The following ME1 variants were observed in gnomAD, a reference collection of about 807,000 sequenced individuals.
The protein encoded by ME1 is NADP-dependent malic enzyme.
A neutral mutation model predicts 66.4 loss-of-function variants in ME1; 74 were observed. The observed-to-expected ratio is 1.11, with a 90% CI of 0.92 to 1.35. The LOEUF is 1.35. ME1 is among the 40% of genes most tolerant of loss of function. The pLI, the probability that ME1 is intolerant of heterozygous loss-of-function variation, is 0.00. For missense variants in ME1, 750 were observed against 694.1 expected, an observed-to-expected ratio of 1.08 and a Z score of -0.90; for synonymous variants, 251 against 235.6, an observed-to-expected ratio of 1.07 and a Z score of -0.60.
At chr6:83,238,795 GAA>G (rs869169398) in intron 8 of ME1, among the ~76,000 whole-genome samples, 26 of 82,368 alleles carry the variant, frequency 3.2e-4, no homozygotes, top group East Asian at 7.9e-4. Flanking sequence ...AAAGTTTCTT[GAA>G]AAATATATAT....
chr6:83,363,300 C>T (rs886624893), intron 3 of ME1, among the ~76,000 whole-genome samples: 4 of 152,184 alleles, frequency 2.6e-5, no homozygotes, highest in Admixed American at 2.0e-4. Context: ...CACCTAGATA[C>T]TTTGGGCTCC....
intron 7 of ME1, among the ~76,000 whole-genome samples, chr6:83,240,741 C>G (rs370574181): frequency 2.0e-5 from 3 of 152,050 alleles, no homozygotes. Context: ...AATGACACAA[C>G]GATGAAGCGT....
chr6:83,330,734 T>G (rs1173047570), intron 5 of ME1, among the ~76,000 whole-genome samples: 7 of 152,126 alleles, frequency 4.6e-5, no homozygotes, highest in Non-Finnish European at 8.8e-5. Context: ...AAAATCAAAC[T>G]AAAGAAAGAC....
chr6:83,212,804 C>T (rs1212273720), intron 13 of ME1, among the ~76,000 whole-genome samples: 1 of 152,068 alleles, frequency 6.6e-6, no homozygotes, highest in Non-Finnish European at 1.5e-5. Context: ...CCAAACCTTC[C>T]CCCATCTTCA....
rs869196328 is a variant in ME1, at chr6:83,275,764, C to CTTT, written c.705-22029_705-22027dup. Among the ~76,000 whole-genome samples, 30 of 38,052 alleles carry CTTT rather than the reference C, an allele frequency of 7.9e-4. 5 individuals carry two copies. Among genetic ancestry groups the CTTT allele is most frequent in the African/African-American group, 1.7e-3 (12 of 7,032 alleles). 25.0% of individuals were successfully genotyped at this position (38,052 alleles called of 152,430 possible). ...ACCGGTGTGAGCCACGGCGCCCGGCCTTTTTTTTTTTTTTTTTTTTTTTTT... is the reference window on the plus strand; with the variant it reads ...ACCGGTGTGAGCCACGGCGCCCGGCCTTTTTTTTTTTTTTTTTTTTTTTTTTTT... On this transcript the variant is annotated intron_variant, in intron 6 of 13. Coordinates refer to ENST00000369705, the MANE Select transcript of ME1 (RefSeq NM_002395.6).
At chr6:83,353,246 G>C (rs1420339915) in intron 3 of ME1, among the ~76,000 whole-genome samples, 1 of 152,130 alleles carries the variant, frequency 6.6e-6, no homozygotes, top group African/African-American at 2.4e-5. Context: ...CATTTCATGG[G>C]TTGATGTTAT....
At chr6:83,226,352 A>G (rs1205285964) in intron 11 of ME1, among the ~76,000 whole-genome samples, 1 of 152,202 alleles carries the variant, frequency 6.6e-6, no homozygotes, top group Non-Finnish European at 1.5e-5. Context: ...AAGACAAAAT[A>G]ATTAATTAAA....
intron 5 of ME1, among the ~76,000 whole-genome samples, chr6:83,343,776 C>G (rs1271778141): frequency 6.6e-6 from 1 of 152,080 alleles, no homozygotes; most frequent in African/African-American, 2.4e-5. Context: ...AAGAAACATA[C>G]ACTAAACAGA....
chr6:83,227,040 A>T (rs1207258320), intron 11 of ME1, among the ~76,000 whole-genome samples: 2 of 151,944 alleles, frequency 1.3e-5, no homozygotes, highest in Admixed American at 1.3e-4. Flanking sequence ...CTCTAGAACC[A>T]AGCTGCTTCC....
chr6:83,406,087 C>G (rs534615392), intron 2 of ME1, among the ~76,000 whole-genome samples: 1 of 152,250 alleles, frequency 6.6e-6, no homozygotes, highest in Admixed American at 6.5e-5. Flanking sequence ...TTGAAATAAT[C>G]ATGTGAGTTT....
chr6:83,413,505 T>A (rs148119028), intron 1 of ME1, among the ~76,000 whole-genome samples: 1 of 152,216 alleles, frequency 6.6e-6, no homozygotes, highest in African/African-American at 2.4e-5. Context: ...TCAAAAAAGT[T>A]TTAGAATTAA....
chr6:83,315,576 T>C (rs1768016077), intron 5 of ME1, among the ~76,000 whole-genome samples, 163 bp from the exon 6 acceptor site: 1 of 152,238 alleles, frequency 6.6e-6, no homozygotes, highest in Admixed American at 6.5e-5. Flanking sequence ...ACATAGAATA[T>C]ACCTGTAGTA....
chr6:83,366,579 T>C (rs1043971681), intron 3 of ME1, among the ~76,000 whole-genome samples: 3 of 152,082 alleles, frequency 2.0e-5, no homozygotes, highest in Non-Finnish European at 4.4e-5. Context: ...GGCTCAAAAG[T>C]GGGTGAAACA....
At chr6:83,381,958 C>A (rs1188117920) in intron 3 of ME1, among the ~76,000 whole-genome samples, 1 of 152,094 alleles carries the variant, frequency 6.6e-6, no homozygotes, top group Non-Finnish European at 1.5e-5. Context: ...CTACCTCAAA[C>A]TTCATCTCAT....
chr6:83,420,448 C>G (rs151089154), intron 1 of ME1, among the ~76,000 whole-genome samples: 2 of 152,174 alleles, frequency 1.3e-5, no homozygotes, highest in African/African-American at 2.4e-5. Flanking sequence ...AAAAGAGAAG[C>G]CTACGTTCCT....
At chr6:83,421,973 G>A (rs915198764) in intron 1 of ME1, among the ~76,000 whole-genome samples, 6 of 152,094 alleles carry the variant, frequency 3.9e-5, no homozygotes, top group African/African-American at 1.4e-4. Context: ...AATAAATCTG[G>A]AGGAAGTACA....
intron 6 of ME1, among the ~76,000 whole-genome samples, chr6:83,261,141 A>T (rs1387248743): frequency 1.3e-5 from 2 of 152,120 alleles, no homozygotes; most frequent in South Asian, 4.1e-4. Context: ...TGACTTTTTA[A>T]TAATAGCCAT....
intron 5 of ME1, among the ~76,000 whole-genome samples, chr6:83,341,418 G>A (rs1022205022): frequency 2.0e-5 from 3 of 152,036 alleles, no homozygotes; most frequent in Admixed American, 2.0e-4. Context: ...AGTTGGTTTC[G>A]GGAAGCTCTT....
chr6:83,265,543 C>T (rs1766973944), intron 6 of ME1, among the ~76,000 whole-genome samples: 1 of 152,138 alleles, frequency 6.6e-6, no homozygotes, highest in African/African-American at 2.4e-5. Flanking sequence ...TCAAACTATT[C>T]ACCCGCCTTA....
Sources: allele counts gnomAD v4.1 joint callset (sites outside exome capture counted in the v4.1 genomes callset), GRCh38; gene constraint gnomAD v4.1.1; transcripts MANE v1.5; gene names NCBI Gene and HGNC (gene_info 2026-07-23, HGNC 2026-07-21).